The following CSMD1 variants were observed in gnomAD, a reference collection of about 807,000 sequenced individuals.
CSMD1 encodes the protein CUB and sushi domain-containing protein 1.
A neutral mutation model predicts 417.5 loss-of-function variants in CSMD1; 213 were observed. The observed-to-expected ratio is 0.51, with a 90% confidence interval of 0.46 to 0.57. CSMD1 has a LOEUF of 0.57. Ranked by LOEUF, CSMD1 falls within the 20% of genes least tolerant of loss-of-function variation. The probability of loss-of-function intolerance (pLI) is 0.00; values close to 1 mark genes in which losing one functional copy is unlikely to be tolerated. For missense variants in CSMD1, 6,923 were observed against 4,529.7 expected (o/e 1.53, Z -15.17); for synonymous variants, 2,862 against 1,736.8 (o/e 1.65, Z -16.11).
chr8:3,031,658 A>G (rs963417897), intron 50 of CSMD1, among the ~76,000 whole-genome samples: 2 of 151,916 alleles, frequency 1.3e-5, no homozygotes, highest in Non-Finnish European at 2.9e-5. Context: ...TCAGCCTCCC[A>G]AAGTGCTGGG....
Position 3,481,337 on chromosome 8 carries a change from T to C in CSMD1, c.1448+12286A>G, listed in dbSNP as rs573601123. On this transcript the variant is annotated intron_variant, in intron 11 of 69. Coordinates refer to ENST00000635120, the MANE Select transcript of CSMD1 (RefSeq NM_033225.6). ...ATAAACTGGACTATTTTGCTTACCATGAGTTCCATAAATCTTACTTAATGA... is the reference window on the plus strand; with the variant it reads ...ATAAACTGGACTATTTTGCTTACCACGAGTTCCATAAATCTTACTTAATGA... Among the ~76,000 whole-genome samples the C allele has an allele frequency of 5.3e-5, 8 of 152,204 alleles. No individual in the cohort carries two copies. In the South Asian group the frequency reaches 1.2e-3, roughly 24 times the overall value.
chr8:4,853,004 C>A (rs1020173319), intron 1 of CSMD1, among the ~76,000 whole-genome samples: 1 of 152,154 alleles, frequency 6.6e-6, no homozygotes, highest in Non-Finnish European at 1.5e-5. Context: ...CACTCAGATG[C>A]AGGCACATTA....
chr8:4,570,784 G>T (rs887130943), intron 2 of CSMD1, among the ~76,000 whole-genome samples: 3 of 152,194 alleles, frequency 2.0e-5, no homozygotes, highest in African/African-American at 7.2e-5. Context: ...GGCTTTTATT[G>T]TTTGGTAGGC....
intron 2 of CSMD1, among the ~76,000 whole-genome samples, chr8:4,614,824 A>C (rs1023489125): frequency 6.6e-6 from 1 of 152,228 alleles, no homozygotes; most frequent in African/African-American, 2.4e-5. Flanking sequence ...AGATAATCAG[A>C]CATTATTTTT....
At chr8:4,945,670 T>C (rs557936313) in intron 1 of CSMD1, among the ~76,000 whole-genome samples, 2 of 152,234 alleles carry the variant, frequency 1.3e-5, no homozygotes, top group Admixed American at 1.3e-4. Context: ...AAAGGAGACT[T>C]TTTTCAAGAG....
chr8:3,823,324 T>C (rs1018713207), intron 5 of CSMD1, among the ~76,000 whole-genome samples: 5 of 152,196 alleles, frequency 3.3e-5, no homozygotes, highest in African/African-American at 1.2e-4. Context: ...TGGGTGCATG[T>C]GTAACAGGGA....
chr8:4,032,001 G>A lies in CSMD1; in HGVS notation c.514C>T (p.Leu172Phe), dbSNP rs1203452755. The A allele has an allele frequency of 5.0e-6, 8 of 1,613,864 alleles. No homozygotes were observed. The Admixed American group carries it at 5.0e-5, about 10-fold the overall frequency. ...NIGDKIRYSC[L>F]PGYILEGHAI... is the part of the protein sequence containing the mutation. ...TGGCCTTCCAAGATGTAGCCAGGGA[G>A]GCAGCTGTACCGGATTTTGTCTCCT... Residue 172 changes from leucine (L) to phenylalanine (F), a missense_variant, in exon 4 of 70, where the codon CTC (leucine) becomes TTC (phenylalanine). Coordinates refer to ENST00000635120, the MANE Select transcript of CSMD1 (RefSeq NM_033225.6).
chr8:4,042,415 C>CA (rs1477387105), intron 3 of CSMD1, among the ~76,000 whole-genome samples: 1 of 151,988 alleles, frequency 6.6e-6, no homozygotes, highest in Non-Finnish European at 1.5e-5. Context: ...AACGAATAAG[C>CA]AAAACAACCA....
At chr8:3,387,729 T>C (rs555335587) in intron 17 of CSMD1, 47 bp from the exon 18 acceptor site, 64 of 1,485,620 alleles carry the variant, frequency 4.3e-5, no homozygotes, top group Admixed American at 8.3e-5. Context: ...TTCTGGTTGA[T>C]TGAAAATAAT....
chr8:3,998,744 A>C (rs1432998954), intron 4 of CSMD1, among the ~76,000 whole-genome samples: 1 of 152,064 alleles, frequency 6.6e-6, no homozygotes, highest in African/African-American at 2.4e-5. Flanking sequence ...ATAGAAACTA[A>C]CAATTAAAAA....
chr8:3,773,292 G>C (rs1308865005), intron 5 of CSMD1, among the ~76,000 whole-genome samples: 1 of 152,086 alleles, frequency 6.6e-6, no homozygotes, highest in Non-Finnish European at 1.5e-5. Context: ...TAGGTTTGGG[G>C]AGAGCTGGTA....
At chr8:3,115,830 C>T (rs962318990) in intron 42 of CSMD1, among the ~76,000 whole-genome samples, 1 of 152,040 alleles carries the variant, frequency 6.6e-6, no homozygotes, top group East Asian at 1.9e-4. Context: ...ATAAAGACAT[C>T]GAGAAGTTGT....
At chr8:4,697,098 G>A (rs543744619) in intron 1 of CSMD1, among the ~76,000 whole-genome samples, 1 of 152,272 alleles carries the variant, frequency 6.6e-6, no homozygotes, top group South Asian at 2.1e-4. Context: ...CTTGAACCCA[G>A]GAGGGGGAGG....
intron 3 of CSMD1, among the ~76,000 whole-genome samples, chr8:4,137,144 G>A (rs971728007): frequency 1.3e-5 from 2 of 152,178 alleles, no homozygotes; most frequent in Non-Finnish European, 2.9e-5. Flanking sequence ...ATTCATAACA[G>A]ATGCTGTAAA....
chr8:3,556,392 A>ATATATCTATATATATATATAT (rs1554468279), intron 10 of CSMD1, among the ~76,000 whole-genome samples: 1 of 120,448 alleles, frequency 8.3e-6, no homozygotes, highest in South Asian at 2.7e-4. Flanking sequence ...TATAATAATT[A>ATATATCTATATATATATATAT]ATATATATAT....
At chr8:3,817,412 C>A (rs2129080507) in intron 5 of CSMD1, among the ~76,000 whole-genome samples, 1 of 151,654 alleles carries the variant, frequency 6.6e-6, no homozygotes, top group African/African-American at 2.4e-5. Context: ...TCCCAAGTAG[C>A]TGGGACTATA....
At chr8:4,933,332 C>G (rs147853703) in intron 1 of CSMD1, among the ~76,000 whole-genome samples, 1 of 152,096 alleles carries the variant, frequency 6.6e-6, no homozygotes, top group Non-Finnish European at 1.5e-5. Flanking sequence ...ATTAATATGC[C>G]GTTTAAATAT....
chr8:4,029,307 G>C (rs952897123), intron 4 of CSMD1, among the ~76,000 whole-genome samples: 2 of 152,262 alleles, frequency 1.3e-5, no homozygotes, highest in African/African-American at 4.8e-5. Flanking sequence ...TTTTCACGCT[G>C]GTGATAATGC....
At chr8:4,809,102 G>A (rs1214793704) in intron 1 of CSMD1, among the ~76,000 whole-genome samples, 2 of 152,130 alleles carry the variant, frequency 1.3e-5, no homozygotes, top group Non-Finnish European at 2.9e-5. Flanking sequence ...TGAAACAGAT[G>A]GACCTTATTA....
Sources: allele counts gnomAD v4.1 joint callset (sites outside exome capture counted in the v4.1 genomes callset), GRCh38; gene constraint gnomAD v4.1.1; transcripts MANE v1.5; gene names NCBI Gene and HGNC (gene_info 2026-07-23, HGNC 2026-07-21).